TRAPPC9: variants seen among roughly 807,000 people sequenced by gnomAD.
TRAPPC9 encodes the protein IKK2 binding protein.
Under a neutral mutation model 124.0 loss-of-function variants are expected in TRAPPC9, and 83 were observed. That is an observed-to-expected ratio of 0.67 (90% CI 0.56 to 0.80). The LOEUF (loss-of-function observed/expected upper bound fraction) is 0.80, where lower values mean the gene tolerates loss of function less well. Among genes scored for constraint, TRAPPC9 ranks in the 30% least tolerant of loss-of-function variants. TRAPPC9 has a pLI of 0.00. For synonymous variants in TRAPPC9, 638 were observed against 617.5 expected (o/e 1.03, Z -0.49); for missense variants, 1,302 against 1,508.3 (o/e 0.86, Z 2.27).
At chr8:140,395,273 C>T (rs1347666584) in intron 7 of TRAPPC9, among the ~76,000 whole-genome samples, 1 of 152,114 alleles carries the variant, frequency 6.6e-6, no homozygotes, top group Non-Finnish European at 1.5e-5. Flanking sequence ...CTGTTCTGGT[C>T]GCTCCCTTTG....
rs116405691 is a variant in TRAPPC9 at position 139,780,790 on chromosome 8, C to A, written c.3056-48588G>T. On this transcript the variant is annotated intron_variant, in intron 21 of 22. Coordinates refer to ENST00000438773, the MANE Select transcript of TRAPPC9 (RefSeq NM_001160372.4). The stretch of plus-strand genomic sequence containing the variant: ...ATTTATTTGGCAAAAGACTGTTATC[C>A]AAAATATACGAAGAACTCCAAAATC... Among the ~76,000 whole-genome samples the A allele has an allele frequency of 5.2e-3, 781 of 150,972 alleles. 11 individuals are homozygous for A. The highest frequency in any genetic ancestry group is 0.018 in the African/African-American group (760 of 41,142).
chr8:140,018,768 GAAT>G (rs1839644625), intron 18 of TRAPPC9, among the ~76,000 whole-genome samples: 2 of 152,142 alleles, frequency 1.3e-5, no homozygotes, highest in African/African-American at 4.8e-5. Flanking sequence ...AAAGACATGT[GAAT>G]AATAATAATT....
intron 17 of TRAPPC9, among the ~76,000 whole-genome samples, chr8:140,196,860 C>A (rs1297557240): frequency 6.6e-6 from 1 of 152,178 alleles, no homozygotes; most frequent in Admixed American, 6.5e-5. Context: ...GAACAATTCA[C>A]GTACAGACCA....
At chr8:139,951,103 T>C (rs1834615624) in intron 19 of TRAPPC9, among the ~76,000 whole-genome samples, 1 of 152,098 alleles carries the variant, frequency 6.6e-6, no homozygotes, top group African/African-American at 2.4e-5. Flanking sequence ...CTCTCTGAGC[T>C]CCATTTCTTC....
chr8:140,039,272 T>G (rs1841112386), intron 17 of TRAPPC9, among the ~76,000 whole-genome samples: 1 of 152,194 alleles, frequency 6.6e-6, no homozygotes, highest in Non-Finnish European at 1.5e-5. Context: ...ATGGTAGAGA[T>G]GCAATTATGG....
intron 17 of TRAPPC9, among the ~76,000 whole-genome samples, chr8:140,114,479 C>A (rs1156264141): frequency 6.6e-6 from 1 of 152,038 alleles, no homozygotes; most frequent in Non-Finnish European, 1.5e-5. Context: ...TTCTCTTCGA[C>A]AAAAATTTGA....
intron 20 of TRAPPC9, 141 bp from the exon 21 acceptor site, chr8:139,886,110 C>T (rs1830000266): frequency 3.9e-6 from 3 of 777,498 alleles, no homozygotes; most frequent in Non-Finnish European, 6.8e-6. Context: ...GTCTAACCAA[C>T]CACTATGACA....
chr8:140,170,152 A>G (rs1227804205), intron 17 of TRAPPC9, among the ~76,000 whole-genome samples: 1 of 152,234 alleles, frequency 6.6e-6, no homozygotes, highest in Non-Finnish European at 1.5e-5. Context: ...CAGGATGCTC[A>G]TAATCTGTGA....
Position 139,960,731 on chromosome 8 carries a change from G to A in TRAPPC9, c.2810+27995C>T, listed in dbSNP as rs1042266344. Among the ~76,000 whole-genome samples the A allele has an allele frequency of 3.1e-4, 38 of 124,256 alleles. 10 individuals carry two copies. In the South Asian group the frequency reaches 0.01, roughly 34 times the overall value. 81.5% of individuals were successfully genotyped at this position (124,256 alleles called of 152,430 possible). A position where few individuals can be genotyped will look rare whatever the true frequency, so the allele number is the denominator to read the frequency against. On this transcript the variant is annotated intron_variant, in intron 19 of 22. Coordinates refer to ENST00000438773, the MANE Select transcript of TRAPPC9 (RefSeq NM_001160372.4). ...TGTGGAGAGGACGGTGACCATGTGG[G>A]GGACACCCAAGCACCCCACCTGGCC... is the stretch of plus-strand genomic sequence containing the variant.
At chr8:139,889,879 G>A (rs1830228745) in intron 20 of TRAPPC9, among the ~76,000 whole-genome samples, 1 of 152,186 alleles carries the variant, frequency 6.6e-6, no homozygotes, top group South Asian at 2.1e-4. Context: ...CAAGCATGCA[G>A]CCGCCCTGTG....
chr8:139,859,027 C>A (rs1827973404), intron 21 of TRAPPC9, among the ~76,000 whole-genome samples: 1 of 151,206 alleles, frequency 6.6e-6, no homozygotes, highest in Admixed American at 6.6e-5. Flanking sequence ...TCCCTCCTTT[C>A]CCACAGCAGA....
At chr8:139,894,480 G>A (rs557570704) in intron 20 of TRAPPC9, among the ~76,000 whole-genome samples, 19 of 152,242 alleles carry the variant, frequency 1.2e-4, no homozygotes, top group Admixed American at 5.2e-4. Context: ...CCCTGAGTGC[G>A]CCACTCCTCC....
In TRAPPC9 at chr8:139,794,520, T is replaced by A. The variant is rs558892626; in HGVS notation, c.3056-62318A>T. 2.6e-4 allele frequency among the ~76,000 whole-genome samples: 40 copies of A among 152,246 alleles called. 1 individual carries two copies. The South Asian group carries it at 8.1e-3, about 31-fold the overall frequency. On this transcript the variant is annotated intron_variant, in intron 21 of 22. Coordinates refer to ENST00000438773, the MANE Select transcript of TRAPPC9 (RefSeq NM_001160372.4). The stretch of plus-strand genomic sequence containing the variant: ...CCTGGGAGCCTCAGTTGAGCTGAGG[T>A]GCTGGCATTTCCACAACAGACGCTG...
intron 17 of TRAPPC9, among the ~76,000 whole-genome samples, chr8:140,210,920 TGC>T (rs2063047194): frequency 6.6e-6 from 1 of 152,228 alleles, no homozygotes; most frequent in Non-Finnish European, 1.5e-5. Context: ...GCCATTCTGC[TGC>T]TCCCCAGGCC....
At chr8:140,005,489 G>A (rs2011620) in intron 18 of TRAPPC9, among the ~76,000 whole-genome samples, 26,168 of 152,124 alleles carry the variant, frequency 0.17, 2,480 homozygotes, top group African/African-American at 0.25. Flanking sequence ...GCCTGGTGAA[G>A]TTTTGGGGGT....
intron 8 of TRAPPC9, among the ~76,000 whole-genome samples, chr8:140,367,006 A>C (rs1012512435): frequency 6.6e-6 from 1 of 152,202 alleles, no homozygotes; most frequent in African/African-American, 2.4e-5. Context: ...AGGAAATTGC[A>C]AAGTAAAGCA....
In TRAPPC9 at chr8:140,291,030, T is replaced by C. The variant is rs765652894; in HGVS notation, c.1817A>G (p.Tyr606Cys). 7 of 1,614,152 alleles carry C rather than the reference T, an allele frequency of 4.3e-6. No homozygotes were observed. The highest frequency in any genetic ancestry group is 4.2e-6 in the Non-Finnish European group (5 of 1,180,058). Reference protein sequence around the residue: ...GDVCEVQLMVYNPMPFELRVE... With the variant: ...GDVCEVQLMVCNPMPFELRVE... ...TCGAAGTTCAAACGGCATTGGGTTA[T>C]ATACCATCAGCTGAACTTCACACAC... Residue 606 changes from tyrosine (Y) to cysteine (C), a missense_variant, in exon 12 of 23, where the codon TAT becomes TGT. Tyr to Cys is a radical substitution (Grantham distance 194). This residue lies in a region of TRAPPC9 where 657 missense variants were observed against 811.2 expected (regional missense o/e 0.81). Coordinates refer to ENST00000438773, the MANE Select transcript of TRAPPC9 (RefSeq NM_001160372.4).
At chr8:139,959,678 G>T (rs1397746606) in intron 19 of TRAPPC9, among the ~76,000 whole-genome samples, 1 of 152,224 alleles carries the variant, frequency 6.6e-6, no homozygotes, top group African/African-American at 2.4e-5. Context: ...CCAGGACCAT[G>T]TCTCAAGCTA....
chr8:139,892,509 A>T (rs1830413576), intron 20 of TRAPPC9, among the ~76,000 whole-genome samples: 1 of 152,216 alleles, frequency 6.6e-6, no homozygotes, highest in East Asian at 1.9e-4. Context: ...ACAGAGGAAG[A>T]CAAAGAATAG....
Sources: allele counts gnomAD v4.1 joint callset (sites outside exome capture counted in the v4.1 genomes callset), GRCh38; gene constraint gnomAD v4.1.1; regional missense constraint gnomAD v4.1.1; transcripts MANE v1.5; gene names NCBI Gene and HGNC (gene_info 2026-07-23, HGNC 2026-07-21).